Variants in NDST3 observed in about 807,000 individuals in gnomAD.
The protein encoded by NDST3 is N-deacetylase and N-sulfotransferase 3, also known as bifunctional heparan sulfate N-deacetylase/N-sulfotransferase 3.
NDST3 carries 58 observed loss-of-function variants against 96.1 expected under a neutral mutation model. The ratio of observed to expected loss-of-function variants is 0.60; its 90% CI spans 0.49 to 0.75. The LOEUF (loss-of-function observed/expected upper bound fraction) is 0.75, where lower values mean the gene tolerates loss of function less well. Ranked by LOEUF, NDST3 falls within the 30% of genes least tolerant of loss-of-function variation. The pLI is 0.00. For synonymous variants in NDST3, 333 were observed against 359.7 expected, an observed-to-expected ratio of 0.93 and a Z score of 0.84; for missense variants, 788 against 1,034.2, an observed-to-expected ratio of 0.76 and a Z score of 3.27.
intron 6 of NDST3, among the ~76,000 whole-genome samples, chr4:118,200,274 C>T (rs1737983905): frequency 6.6e-6 from 1 of 152,166 alleles, no homozygotes; most frequent in Admixed American, 6.5e-5. Flanking sequence ...AGACGCAGCG[C>T]TTCCCATGCT....
chr4:118,131,583 C>T (rs547149445), intron 4 of NDST3, among the ~76,000 whole-genome samples: 11 of 152,258 alleles, frequency 7.2e-5, no homozygotes, highest in Admixed American at 3.9e-4. Context: ...CCTTATTTCT[C>T]CAGTATTGGT....
At chr4:118,220,094 TG>T (rs1465596920) in intron 6 of NDST3, among the ~76,000 whole-genome samples, 1 of 152,024 alleles carries the variant, frequency 6.6e-6, no homozygotes, top group Non-Finnish European at 1.5e-5. Context: ...GAAATACCAA[TG>T]GGATTGCTGG....
At chr4:118,071,522 C>T (rs1727074773) in intron 2 of NDST3, among the ~76,000 whole-genome samples, 1 of 152,110 alleles carries the variant, frequency 6.6e-6, no homozygotes, top group Admixed American at 6.6e-5. Flanking sequence ...ATTTGGCTTT[C>T]TCTTCCTGCA....
intron 5 of NDST3, among the ~76,000 whole-genome samples, chr4:118,142,954 T>G (rs1462375074): frequency 1.3e-5 from 2 of 152,172 alleles, no homozygotes; most frequent in Non-Finnish European, 2.9e-5. Flanking sequence ...GAATAATCTC[T>G]TTCTTACAGT....
At chr4:118,173,853 A>G (rs1312040112) in intron 6 of NDST3, among the ~76,000 whole-genome samples, 4 of 152,150 alleles carry the variant, frequency 2.6e-5, no homozygotes, top group African/African-American at 9.7e-5. Context: ...CTATTGTAAT[A>G]CATAGAATTC....
At chr4:118,147,211 A>G (rs1489416422) in intron 6 of NDST3, among the ~76,000 whole-genome samples, 2 of 152,178 alleles carry the variant, frequency 1.3e-5, no homozygotes, top group African/African-American at 4.8e-5. Flanking sequence ...TCTGCCCCAG[A>G]AAAATACTGA....
chr4:118,180,606 T>A (rs970584572), intron 6 of NDST3, among the ~76,000 whole-genome samples: 1 of 152,116 alleles, frequency 6.6e-6, no homozygotes, highest in African/African-American at 2.4e-5. Context: ...ACTTTTCAAT[T>A]TAGCTTTGGT....
intron 6 of NDST3, among the ~76,000 whole-genome samples, chr4:118,183,433 C>T (rs919370461): frequency 5.9e-5 from 9 of 152,102 alleles, no homozygotes; most frequent in Non-Finnish European, 2.9e-5. Context: ...ATCAAATGGT[C>T]GGTCTTTCTG....
chr4:118,144,904 C>A (rs530177564), intron 6 of NDST3, among the ~76,000 whole-genome samples: 48 of 152,196 alleles, frequency 3.2e-4, no homozygotes, highest in Non-Finnish European at 6.8e-4. Context: ...GTGCTCAATT[C>A]TGCTTGTATT....
At chr4:118,232,809 C>T (rs769716638) in intron 8 of NDST3, among the ~76,000 whole-genome samples, 10 of 152,158 alleles carry the variant, frequency 6.6e-5, no homozygotes, top group Non-Finnish European at 1.5e-4. Flanking sequence ...ATCCCTGCAA[C>T]AGGCCTCTTT....
At chr4:118,079,334 T>C (rs775154599) in intron 2 of NDST3, among the ~76,000 whole-genome samples, 3 of 151,984 alleles carry the variant, frequency 2.0e-5, no homozygotes, top group South Asian at 2.1e-4. Context: ...GCCAGGGAGG[T>C]TGAGCACAAG....
intron 4 of NDST3, among the ~76,000 whole-genome samples, chr4:118,129,014 G>A (rs910550130): frequency 6.6e-6 from 1 of 151,672 alleles, no homozygotes; most frequent in Non-Finnish European, 1.5e-5. Context: ...TTTGAATTTC[G>A]GCAGTATCAG....
At chr4:118,071,508 C>A (rs1340148614) in intron 2 of NDST3, among the ~76,000 whole-genome samples, 1 of 152,106 alleles carries the variant, frequency 6.6e-6, no homozygotes, top group Non-Finnish European at 1.5e-5. Flanking sequence ...TGAGAACATG[C>A]AGTATTTGGC....
At chr4:118,189,694 T>C (rs1033300538) in intron 6 of NDST3, among the ~76,000 whole-genome samples, 4 of 152,058 alleles carry the variant, frequency 2.6e-5, no homozygotes, top group African/African-American at 9.7e-5. Flanking sequence ...CTAAGAAAGA[T>C]AGCCTGAGAC....
At chr4:118,135,883 T>C (rs577574031) in intron 4 of NDST3, among the ~76,000 whole-genome samples, 1 of 152,252 alleles carries the variant, frequency 6.6e-6, no homozygotes, top group South Asian at 2.1e-4. Flanking sequence ...TCTCAATAAA[T>C]TAACTAATTA....
chr4:118,224,577 G>A lies in NDST3; in HGVS notation c.1626G>A (p.Lys542=), dbSNP rs550009051. ...TTGTTAATCTGGCCAACTTTGTGAA[G>A]AGCTGGACCAACCTGCGACTTCAGA... ...YTFVNLANFV[K]SWTNLRLQTL... The change falls in exon 7 of 14, where the codon AAG becomes AAA. Residue 542 remains lysine, a synonymous_variant. Coordinates refer to ENST00000296499, the MANE Select transcript of NDST3 (RefSeq NM_004784.3). The A allele has an allele frequency of 3.7e-6, 6 of 1,613,130 alleles. No homozygotes were observed. The African/African-American group carries it at 6.7e-5, about 18-fold the overall frequency.
At chr4:118,238,165 AAG>A (rs1170183855) in intron 10 of NDST3, among the ~76,000 whole-genome samples, 2 of 41,242 alleles carry the variant, frequency 4.8e-5, no homozygotes, top group South Asian at 7.8e-4. Context: ...AAAAGAAAGA[AAG>A]AAAGAAAGAA....
chr4:118,111,535 ATTTT>A (rs149834516), intron 3 of NDST3, among the ~76,000 whole-genome samples: 96,941 of 132,398 alleles, frequency 0.73, 37,511 homozygotes, highest in South Asian at 0.9. Flanking sequence ...TTTAATCATG[ATTTT>A]TTTTTTTTTT....
intron 4 of NDST3, among the ~76,000 whole-genome samples, chr4:118,132,375 G>A (rs1732705455): frequency 6.6e-6 from 1 of 152,102 alleles, no homozygotes; most frequent in African/African-American, 2.4e-5. Flanking sequence ...GGTTCTGTCA[G>A]GCCACCGGCA....
Sources: allele counts gnomAD v4.1 joint callset (sites outside exome capture counted in the v4.1 genomes callset), GRCh38; gene constraint gnomAD v4.1.1; transcripts MANE v1.5; gene names NCBI Gene and HGNC (gene_info 2026-07-23, HGNC 2026-07-21).